FIRRM: variants seen among roughly 807,000 people sequenced by gnomAD.
The protein encoded by FIRRM is FIGNL1-interacting regulator of recombination and mitosis.
chr1:169,792,794 T>TA, the FIRRM span: 1 of 1,612,934 alleles, frequency 6.2e-7, no homozygotes, highest in Non-Finnish European at 8.5e-7. Flanking sequence ...ATTACTATAA[T>TA]AATCTGGGTT....
chr1:169,822,461 T>C, the FIRRM span, among the ~76,000 whole-genome samples: 2 of 152,072 alleles, frequency 1.3e-5, no homozygotes, highest in Non-Finnish European at 2.9e-5. Flanking sequence ...GTAAGCATTC[T>C]CTGCTCATCT....
chr1:169,830,249 T>A, the FIRRM span: 1 of 1,600,494 alleles, frequency 6.2e-7, no homozygotes, highest in African/African-American at 1.3e-5. Flanking sequence ...ATTTTTCTGT[T>A]TTTGATTAGG....
At chr1:169,785,798 C>T in the FIRRM span, among the ~76,000 whole-genome samples, 4 of 152,108 alleles carry the variant, frequency 2.6e-5, no homozygotes, top group East Asian at 5.8e-4. Context: ...CCTTTACCAG[C>T]GAACCTGTAT....
chr1:169,851,861 G>A, the FIRRM span: 3 of 1,614,032 alleles, frequency 1.9e-6, no homozygotes, highest in Non-Finnish European at 2.5e-6. Context: ...TGGAACGTGT[G>A]AAACAGGAAA....
the FIRRM span, chr1:169,850,586 A>G: frequency 5.7e-6 from 2 of 349,358 alleles, no homozygotes; most frequent in South Asian, 8.3e-5. Flanking sequence ...TCATGAGGTC[A>G]GGAGTTCAAG....
the FIRRM span, chr1:169,793,923 A>G: frequency 2.6e-6 from 1 of 387,442 alleles, no homozygotes. Flanking sequence ...AAAAAAAAAG[A>G]AAGAAAATGA....
At chr1:169,797,522 T>C in the FIRRM span, among the ~76,000 whole-genome samples, 1 of 152,198 alleles carries the variant, frequency 6.6e-6, no homozygotes, top group African/African-American at 2.4e-5. Flanking sequence ...AATGAATTCT[T>C]GTATTACTGT....
At chr1:169,823,006 C>G in the FIRRM span, among the ~76,000 whole-genome samples, 1 of 151,326 alleles carries the variant, frequency 6.6e-6, no homozygotes, top group Admixed American at 6.6e-5. Context: ...AATCCCAGCA[C>G]TTTGGGAGGC....
chr1:169,816,045 T>C, the FIRRM span, among the ~76,000 whole-genome samples: 1 of 152,194 alleles, frequency 6.6e-6, no homozygotes, highest in African/African-American at 2.4e-5. Context: ...TCTGGAAGAT[T>C]AGTAAGTGTT....
At chr1:169,804,673 A>C in the FIRRM span, among the ~76,000 whole-genome samples, 1 of 152,048 alleles carries the variant, frequency 6.6e-6, no homozygotes, top group African/African-American at 2.4e-5. Context: ...ACTTTATACT[A>C]GTTTATTTTT....
the FIRRM span, among the ~76,000 whole-genome samples, chr1:169,797,775 C>T: frequency 6.6e-6 from 1 of 152,280 alleles, no homozygotes; most frequent in South Asian, 2.1e-4. Context: ...AACTCCTGAC[C>T]TCGTGATCCG....
At chr1:169,822,229 A>C in the FIRRM span, among the ~76,000 whole-genome samples, 4 of 152,182 alleles carry the variant, frequency 2.6e-5, no homozygotes, top group Non-Finnish European at 5.9e-5. Context: ...GAAGCAGCCA[A>C]CTACTCTTAA....
chr1:169,795,416 G>T, the FIRRM span: 1 of 1,399,594 alleles, frequency 7.1e-7, no homozygotes. Flanking sequence ...TAAGGCTTTG[G>T]CCCTGGAAAG....
the FIRRM span, among the ~76,000 whole-genome samples, chr1:169,844,645 A>C: frequency 2.6e-5 from 4 of 152,234 alleles, no homozygotes; most frequent in South Asian, 6.2e-4. Flanking sequence ...TATGTATAAC[A>C]TGGATTTTAC....
the FIRRM span, among the ~76,000 whole-genome samples, chr1:169,824,232 C>G: frequency 6.6e-6 from 1 of 152,142 alleles, no homozygotes; most frequent in Non-Finnish European, 1.5e-5. Context: ...TATCTAGACC[C>G]ATATATTCAT....
the FIRRM span, among the ~76,000 whole-genome samples, chr1:169,837,273 CTG>C: frequency 2.0e-5 from 3 of 152,274 alleles, no homozygotes; most frequent in African/African-American, 4.8e-5. Flanking sequence ...GTAAAAGAAT[CTG>C]TGAGAAACTT....
chr1:169,823,777 AT>A, the FIRRM span, among the ~76,000 whole-genome samples: 3 of 152,132 alleles, frequency 2.0e-5, no homozygotes, highest in Non-Finnish European at 4.4e-5. Context: ...TTCTATTGGC[AT>A]TTTTTAATCT....
the FIRRM span, among the ~76,000 whole-genome samples, chr1:169,834,582 A>G: frequency 6.6e-6 from 1 of 152,186 alleles, no homozygotes; most frequent in Non-Finnish European, 1.5e-5. Context: ...TAGTCCTTAC[A>G]GCAGCCTTGT....
At chr1:169,810,834 A>G in the FIRRM span, among the ~76,000 whole-genome samples, 4 of 61,208 alleles carry the variant, frequency 6.5e-5, no homozygotes, top group East Asian at 1.6e-3. Context: ...TTAGCCCCCA[A>G]TTTTTTTTTT....
Sources: gnomAD v4.1 joint callset for allele counts (sites outside exome capture counted in the v4.1 genomes callset) on GRCh38, gnomAD v4.1.1 for gene constraint, MANE v1.5 for transcripts, NCBI Gene and HGNC (gene_info 2026-07-23, HGNC 2026-07-21) for gene names.